SPMIP2: variants seen among roughly 807,000 people sequenced by gnomAD.
SPMIP2 encodes the protein protein SPMIP2.
At chr4:158,898,142 G>C in the SPMIP2 span, among the ~76,000 whole-genome samples, 2 of 152,094 alleles carry the variant, frequency 1.3e-5, no homozygotes, top group Admixed American at 1.3e-4. Context: ...AAGATCAGAT[G>C]GTTGTAGATG....
At chr4:158,998,148 G>C in the SPMIP2 span, among the ~76,000 whole-genome samples, 1 of 152,194 alleles carries the variant, frequency 6.6e-6, no homozygotes, top group African/African-American at 2.4e-5. Context: ...TATGGGCACT[G>C]AAATTAGAAT....
chr4:158,913,846 TAA>T, the SPMIP2 span, among the ~76,000 whole-genome samples: 28 of 134,310 alleles, frequency 2.1e-4, no homozygotes, highest in Admixed American at 3.0e-4. Flanking sequence ...CCCCATATCT[TAA>T]AAAAAAAAAA....
At chr4:158,965,217 CTTAT>C in the SPMIP2 span, among the ~76,000 whole-genome samples, 3 of 151,028 alleles carry the variant, frequency 2.0e-5, no homozygotes, top group Non-Finnish European at 4.4e-5. Flanking sequence ...AAATATTTTC[CTTAT>C]TTCATTCTAT....
the SPMIP2 span, among the ~76,000 whole-genome samples, chr4:158,921,454 A>AAAAGG: frequency 5.9e-5 from 9 of 152,118 alleles, no homozygotes; most frequent in Non-Finnish European, 1.0e-4. Flanking sequence ...AATTTAAAAA[A>AAAAGG]AAAAGGAAAA....
the SPMIP2 span, among the ~76,000 whole-genome samples, chr4:159,050,398 G>A: frequency 3.3e-5 from 5 of 151,476 alleles, no homozygotes; most frequent in African/African-American, 4.9e-5. Flanking sequence ...TAAAAAGAAG[G>A]GAGGGGGAAG....
the SPMIP2 span, among the ~76,000 whole-genome samples, chr4:158,902,372 G>A: frequency 1.3e-5 from 2 of 152,120 alleles, no homozygotes; most frequent in South Asian, 4.1e-4. Flanking sequence ...CGTCCCAGAG[G>A]GGCACCCACC....
chr4:158,972,038 C>A, the SPMIP2 span, among the ~76,000 whole-genome samples: 1 of 152,158 alleles, frequency 6.6e-6, no homozygotes, highest in Non-Finnish European at 1.5e-5. Flanking sequence ...TCCCATCCAC[C>A]CTCCTGGACT....
At chr4:158,930,425 C>G in the SPMIP2 span, among the ~76,000 whole-genome samples, 1 of 151,828 alleles carries the variant, frequency 6.6e-6, no homozygotes, top group Admixed American at 6.6e-5. Context: ...CCAGGCTGGT[C>G]TCAAACTCCT....
chr4:158,955,243 CATCT>C, the SPMIP2 span, among the ~76,000 whole-genome samples: 1 of 152,220 alleles, frequency 6.6e-6, no homozygotes, highest in Non-Finnish European at 1.5e-5. Context: ...TCATCTGTTA[CATCT>C]ATCTGCCTTG....
the SPMIP2 span, among the ~76,000 whole-genome samples, chr4:159,016,154 GA>G: frequency 0.013 from 1,965 of 152,280 alleles, 35 homozygotes; most frequent in African/African-American, 0.044. Context: ...GAAACACGGG[GA>G]TGGGAATCTG....
chr4:158,896,727 C>A, the SPMIP2 span, among the ~76,000 whole-genome samples: 8 of 151,526 alleles, frequency 5.3e-5, no homozygotes, highest in Non-Finnish European at 1.2e-4. Context: ...AGTATTTCCC[C>A]CTTATGAGGT....
chr4:158,973,505 CTGTT>C, the SPMIP2 span, among the ~76,000 whole-genome samples: 2 of 152,084 alleles, frequency 1.3e-5, no homozygotes, highest in African/African-American at 4.8e-5. Flanking sequence ...TAATGCTTAT[CTGTT>C]AATTAATGTT....
At chr4:158,928,819 G>A in the SPMIP2 span, among the ~76,000 whole-genome samples, 11 of 152,062 alleles carry the variant, frequency 7.2e-5, no homozygotes, top group Middle Eastern at 3.2e-3. Context: ...CGAGCCCACC[G>A]GGAGGAACAA....
At chr4:158,920,569 G>C in the SPMIP2 span, among the ~76,000 whole-genome samples, 1 of 152,156 alleles carries the variant, frequency 6.6e-6, no homozygotes, top group Admixed American at 6.5e-5. Flanking sequence ...GATACGCCCT[G>C]GTCTCCTGCA....
chr4:158,905,850 A>T, the SPMIP2 span: 1 of 152,216 alleles, frequency 6.6e-6, no homozygotes, highest in Non-Finnish European at 1.5e-5. Flanking sequence ...AAAGCAAAAC[A>T]TCTTTAGCAC....
the SPMIP2 span, among the ~76,000 whole-genome samples, chr4:158,954,108 A>G: frequency 3.3e-5 from 5 of 152,134 alleles, no homozygotes; most frequent in Non-Finnish European, 5.9e-5. Flanking sequence ...TGAGATTTGG[A>G]GGGGCCAGGG....
chr4:158,999,522 A>G, the SPMIP2 span, among the ~76,000 whole-genome samples: 3 of 152,210 alleles, frequency 2.0e-5, no homozygotes, highest in African/African-American at 7.2e-5. Flanking sequence ...AAACATGTAA[A>G]CCTGCTATCT....
the SPMIP2 span, among the ~76,000 whole-genome samples, chr4:159,074,629 A>C: frequency 1.3e-5 from 2 of 152,160 alleles, no homozygotes; most frequent in Non-Finnish European, 2.9e-5. Context: ...TAAGTGACCC[A>C]CCATGATCCT....
the SPMIP2 span, among the ~76,000 whole-genome samples, chr4:159,002,795 C>CACAT: frequency 1.3e-5 from 2 of 151,800 alleles, no homozygotes; most frequent in African/African-American, 2.4e-5. Context: ...CACACACACA[C>CACAT]GCAGTGTTGT....
Sources: gnomAD v4.1 joint callset for allele counts (sites outside exome capture counted in the v4.1 genomes callset) on GRCh38, gnomAD v4.1.1 for gene constraint, MANE v1.5 for transcripts, NCBI Gene and HGNC (gene_info 2026-07-23, HGNC 2026-07-21) for gene names.